The following DLEU7 variants were observed in gnomAD, a reference collection of about 807,000 sequenced individuals.
DLEU7 encodes deleted in lymphocytic leukemia 7, also known as leukemia-associated protein 7.
DLEU7 carries 17 observed loss-of-function variants against 16.0 expected under a neutral mutation model. That is an observed-to-expected ratio of 1.06 (90% CI 0.73 to 1.59). DLEU7 has a LOEUF of 1.59. Ranked by LOEUF, DLEU7 falls within the 40% of genes most tolerant of loss-of-function variation. The pLI is 0.00. For synonymous variants in DLEU7, 113 were observed against 139.8 expected (o/e 0.81, Z 1.35); for missense variants, 308 against 314.9 (o/e 0.98, Z 0.17).
intron 1 of DLEU7, among the ~76,000 whole-genome samples, chr13:50,730,559 G>A (rs1873885700): frequency 6.6e-6 from 1 of 152,068 alleles, no homozygotes; most frequent in African/African-American, 2.4e-5. Flanking sequence ...ATTCTGCTGA[G>A]GGGTCTCCAT....
chr13:50,773,016 T>C (rs1875369946), intron 1 of DLEU7, among the ~76,000 whole-genome samples: 1 of 152,210 alleles, frequency 6.6e-6, no homozygotes, highest in South Asian at 2.1e-4. Flanking sequence ...TTCATTAATT[T>C]GTTCTACAGT....
chr13:50,840,483 G>A (rs879432725), intron 1 of DLEU7, among the ~76,000 whole-genome samples: 29 of 152,284 alleles, frequency 1.9e-4, no homozygotes, highest in East Asian at 1.4e-3. Context: ...TGCTTCTCTC[G>A]AAAGCCCTCG....
intron 1 of DLEU7, among the ~76,000 whole-genome samples, chr13:50,767,534 C>G (rs1209566310): frequency 6.6e-6 from 1 of 150,894 alleles, no homozygotes; most frequent in Non-Finnish European, 1.5e-5. Context: ...TTACCATGCT[C>G]AAGACTTAGT....
At chr13:50,843,753 G>A, upstream of DLEU7, 4 of 1,410,136 alleles carry the variant, frequency 2.8e-6, no homozygotes, top group South Asian at 1.4e-5. This position sits in a 1 kb window ranked among gnomAD's most constrained non-coding sequence, Gnocchi z 5.7. Context: ...GCGGCTCCTC[G>A]GCCTCTGGGT....
At chr13:50,840,296 A>G (rs1404784354) in intron 1 of DLEU7, among the ~76,000 whole-genome samples, 2 of 152,258 alleles carry the variant, frequency 1.3e-5, no homozygotes, top group African/African-American at 2.4e-5. Context: ...GTATTAAGGA[A>G]GCTAAGTCTG....
chr13:50,790,908 A>G (rs543587922), intron 1 of DLEU7, among the ~76,000 whole-genome samples: 24 of 152,294 alleles, frequency 1.6e-4, no homozygotes, highest in African/African-American at 5.3e-4. Context: ...TTATTGCCCA[A>G]GCTGAATAAG....
chr13:50,738,436 G>A (rs1707083139), intron 1 of DLEU7, among the ~76,000 whole-genome samples: 1 of 152,074 alleles, frequency 6.6e-6, no homozygotes, highest in East Asian at 1.9e-4. Context: ...GCAGACCAAC[G>A]TTCAGTCAGA....
intron 1 of DLEU7, among the ~76,000 whole-genome samples, chr13:50,742,173 T>C (rs996493280): frequency 1.3e-5 from 2 of 152,148 alleles, no homozygotes; most frequent in African/African-American, 4.8e-5. Context: ...TACAAGAGAT[T>C]TTTAAGGTTT....
intron 1 of DLEU7, among the ~76,000 whole-genome samples, chr13:50,751,156 G>C (rs949812987): frequency 6.6e-6 from 1 of 152,138 alleles, no homozygotes; most frequent in African/African-American, 2.4e-5. Context: ...GCTGGATTTT[G>C]CCAAAAGCTT....
At chr13:50,817,880 G>A (rs958041691) in intron 1 of DLEU7, among the ~76,000 whole-genome samples, 1 of 149,580 alleles carries the variant, frequency 6.7e-6, no homozygotes, top group Admixed American at 6.7e-5. Context: ...GGAAATTACA[G>A]AATACAGTGA....
chr13:50,774,298 G>T (rs1875423846), intron 1 of DLEU7, among the ~76,000 whole-genome samples: 1 of 152,166 alleles, frequency 6.6e-6, no homozygotes, highest in African/African-American at 2.4e-5. Flanking sequence ...GTCCCAGTGA[G>T]ATGAACCAGC....
intron 1 of DLEU7, among the ~76,000 whole-genome samples, chr13:50,719,462 T>TC (rs1873532339): frequency 6.6e-6 from 1 of 152,208 alleles, no homozygotes; most frequent in Non-Finnish European, 1.5e-5. Flanking sequence ...ATTTAAAAAC[T>TC]CTTCCTCATA....
intron 1 of DLEU7, among the ~76,000 whole-genome samples, chr13:50,776,786 G>A (rs1232199194): frequency 6.6e-6 from 1 of 152,124 alleles, no homozygotes; most frequent in Non-Finnish European, 1.5e-5. Flanking sequence ...TATTAAGGGA[G>A]GGTTTCTATT....
intron 1 of DLEU7, among the ~76,000 whole-genome samples, chr13:50,840,405 C>T (rs1380145367): frequency 3.3e-5 from 5 of 152,184 alleles, no homozygotes; most frequent in African/African-American, 1.2e-4. Flanking sequence ...ACCTATTCTG[C>T]AAACAGCAAA....
chr13:50,835,573 G>A (rs1877428735), intron 1 of DLEU7, among the ~76,000 whole-genome samples: 1 of 152,186 alleles, frequency 6.6e-6, no homozygotes, highest in South Asian at 2.1e-4. Flanking sequence ...GCGTAATTGA[G>A]AGAGCTTGGC....
At position 50,843,538 on chromosome 13, in the gene DLEU7, G is replaced by A; in HGVS notation, c.109C>T (p.Pro37Ser). ...TGGTCTGGGTCCCGCGGGTTCCCGGGGGCGACTGGACCGTCCCCCCAGCCC... is the reference window on the plus strand; with the variant it reads ...TGGTCTGGGTCCCGCGGGTTCCCGGAGGCGACTGGACCGTCCCCCCAGCCC... The part of the protein sequence containing the change: ...EWGWGDGPVA[P>S]GNPRDPDHVS... Residue 37 changes from proline to serine, a missense_variant, in exon 1 of 2, where the codon CCC becomes TCC. Physicochemically the swap from Pro to Ser is moderately conservative, Grantham distance 74. Coordinates refer to ENST00000504404, the MANE Select transcript of DLEU7 (RefSeq NM_001306135.2). This position sits in a 1 kb window ranked among gnomAD's most constrained non-coding sequence, Gnocchi z 5.7. 6.9e-7 allele frequency: 1 copy of A among 1,440,114 alleles called. No individual in the cohort carries two copies. The highest frequency in any genetic ancestry group is 9.0e-7 in the Non-Finnish European group (1 of 1,107,360). 89.2% of individuals were successfully genotyped at this position (1,440,114 alleles called of 1,614,324 possible). A position where few individuals can be genotyped will look rare whatever the true frequency, so the allele number is the denominator to read the frequency against.
chr13:50,738,272 T>G (rs575535853), intron 1 of DLEU7, among the ~76,000 whole-genome samples: 87 of 152,314 alleles, frequency 5.7e-4, no homozygotes, highest in African/African-American at 2.0e-3. Context: ...CTTTTCTATA[T>G]GTCTGAAATT....
chr13:50,775,090 G>A (rs1377679426), intron 1 of DLEU7, among the ~76,000 whole-genome samples: 1 of 151,350 alleles, frequency 6.6e-6, no homozygotes, highest in Non-Finnish European at 1.5e-5. Context: ...TCGTTATTCT[G>A]TAGGTCTCTT....
Position 50,823,930 on chromosome 13 carries a change from C to A in DLEU7, c.460-410G>T, listed in dbSNP as rs1047020279. On this transcript the variant is annotated intron_variant, in intron 1 of 1. Coordinates refer to ENST00000504404, the MANE Select transcript of DLEU7 (RefSeq NM_001306135.2). ...ACCAAGAGATTAAAAGAGCCAGATT[C>A]TAATCTAATACTTTCTGAGTATGTG... Among the ~76,000 whole-genome samples, 41 of 152,220 alleles carry A rather than the reference C, an allele frequency of 2.7e-4. 1 individual carries two copies. The highest frequency in any genetic ancestry group is 1.5e-4 in the Non-Finnish European group (10 of 68,028).
Sources: allele counts gnomAD v4.1 joint callset (sites outside exome capture counted in the v4.1 genomes callset), GRCh38; gene constraint gnomAD v4.1.1; non-coding constraint Gnocchi (gnomAD v3.1); transcripts MANE v1.5; gene names NCBI Gene and HGNC (gene_info 2026-07-23, HGNC 2026-07-21).